KCNN4: variants seen among roughly 807,000 people sequenced by gnomAD.
KCNN4 encodes potassium calcium-activated channel subfamily N member 4.
Under a neutral mutation model 45.2 loss-of-function variants are expected in KCNN4, and 31 were observed. That is an observed-to-expected ratio of 0.69 (90% CI 0.52 to 0.92). The LOEUF (loss-of-function observed/expected upper bound fraction) is 0.92, where lower values mean the gene tolerates loss of function less well. Ranked by LOEUF, KCNN4 falls within the 40% of genes least tolerant of loss-of-function variation. The pLI is 0.00. For synonymous variants in KCNN4, 231 were observed against 254.6 expected (o/e 0.91, Z 0.88); for missense variants, 463 against 574.0 (o/e 0.81, Z 1.98).
intron 1 of KCNN4, 62 bp downstream of exon 1, chr19:43,780,640 AC>A (rs750371419): frequency 2.2e-6 from 1 of 464,662 alleles, no homozygotes. Flanking sequence ...AAGAGTCCTG[AC>A]CCCCAGCCCC....
rs764963973 is a variant in KCNN4 at position 43,769,072 on chromosome 19, C to T, written c.1050-40G>A. 1.2e-6 allele frequency: 2 copies of T among 1,601,098 alleles called. No individual in the cohort carries two copies. On this transcript the variant is annotated intron_variant, in intron 6 of 8. Transcript: ENST00000648319. The surrounding 1 kb of genome is among the most constrained non-coding windows in gnomAD (Gnocchi z 4.4). The stretch of plus-strand genomic sequence containing the variant: ...GGGGAGTCAGTTTTACAAGCCTGGT[C>T]CCTGAATGTAGCTGTAGCTCAGGGG...
Position 43,774,156 on chromosome 19 carries a change from T to G in KCNN4, c.683+36A>C, listed in dbSNP as rs201042189. ...GGACGGCCGCCGTGGCTGTCCGGGG[T>G]TCCCCCCTGCGCATTTATGCCTCCA... On this transcript the variant is annotated intron_variant, in intron 3 of 8. Transcript: ENST00000648319. This position sits in a 1 kb window ranked among gnomAD's most constrained non-coding sequence, Gnocchi z 5.6. 5 of 1,571,240 alleles carry G rather than the reference T, an allele frequency of 3.2e-6. No individual in the cohort carries two copies.
At chr19:43,777,008 G>T (rs920128819) in intron 1 of KCNN4, among the ~76,000 whole-genome samples, 2 of 152,122 alleles carry the variant, frequency 1.3e-5, no homozygotes, top group Non-Finnish European at 2.9e-5. Context: ...CTTGAACCCA[G>T]GAGGTGGAAG....
At chr19:43,775,310 G>C (rs572641917) in intron 2 of KCNN4, among the ~76,000 whole-genome samples, 1 of 152,192 alleles carries the variant, frequency 6.6e-6, no homozygotes, top group South Asian at 2.1e-4. Context: ...CTGGGTGACA[G>C]AGCGAGACTC....
Position 43,780,864 on chromosome 19 carries a change from C to A in KCNN4, c.-3G>T, listed in dbSNP as rs201325461. 1 of 1,613,304 alleles carries A rather than the reference C, an allele frequency of 6.2e-7. No homozygotes were observed. Among genetic ancestry groups the A allele is most frequent in the South Asian group, 1.1e-5 (1 of 91,050 alleles). The stretch of plus-strand genomic sequence containing the variant: ...CCAAGCACCAGATCCCCGCCCATGG[C>A]CCCCGGGGTCTTGGGGCTCAGCCAG... On this transcript the variant is annotated 5_prime_UTR_variant, in exon 1 of 9. Coordinates refer to ENST00000648319, the MANE Select transcript of KCNN4 (RefSeq NM_002250.3).
At position 43,774,466 on chromosome 19, in the gene KCNN4, A is replaced by G; in HGVS notation, c.409T>C (p.Ser137Pro). 1.9e-6 allele frequency: 3 copies of G among 1,594,900 alleles called. No homozygotes were observed. The highest frequency in any genetic ancestry group is 2.6e-6 in the Non-Finnish European group (3 of 1,170,852). ...CVQDLGAPLT[S>P]PQPWPGFLGQ... ...AGGAATCCCGGCCAGGGCTGCGGGG[A>G]GGTCAGCGGCGCCCCTAAATCCTGC... Residue 137 changes from serine to proline, a missense_variant, in exon 3 of 9, where the codon TCC (serine) becomes CCC (proline). By Grantham distance (74) the Ser-to-Pro change is moderately conservative (BLOSUM62 -1). Around this residue, in one of 3 missense-constraint regions of KCNN4, gnomAD observed 225 missense variants for 240.9 expected, o/e 0.93. Coordinates refer to ENST00000648319, the MANE Select transcript of KCNN4 (RefSeq NM_002250.3). The surrounding 1 kb of genome is among the most constrained non-coding windows in gnomAD (Gnocchi z 5.6).
chr19:43,769,627 C>T lies in KCNN4; in HGVS notation c.931-67G>A. The T allele has an allele frequency of 6.4e-7, 1 of 1,574,312 alleles. No homozygotes were observed. The highest frequency in any genetic ancestry group is 8.7e-7 in the Non-Finnish European group (1 of 1,144,280). ...CGGTTCTGGGAAGGCAGGGCTAGGG[C>T]TGGGACTCTTGGGTCCTAGGGGAAG... is the stretch of plus-strand genomic sequence containing the variant. On this transcript the variant is annotated intron_variant, in intron 5 of 8. Coordinates refer to ENST00000648319, the MANE Select transcript of KCNN4 (RefSeq NM_002250.3). This position sits in a 1 kb window ranked among gnomAD's most constrained non-coding sequence, Gnocchi z 4.4.
In KCNN4 at chr19:43,769,397, G is replaced by T. The variant is rs1206712438; in HGVS notation, c.1049+45C>A. ...CACAGCCGTGCAGAGAGGTGACTTG[G>T]ACATGGGTGCACATGGACACGTGTG... On this transcript the variant is annotated intron_variant, in intron 6 of 8. Coordinates refer to ENST00000648319, the MANE Select transcript of KCNN4 (RefSeq NM_002250.3). This position sits in a 1 kb window ranked among gnomAD's most constrained non-coding sequence, Gnocchi z 4.4. 1 of 1,485,802 alleles carries T rather than the reference G, an allele frequency of 6.7e-7. No individual in the cohort carries two copies. Among genetic ancestry groups the T allele is most frequent in the South Asian group, 1.1e-5 (1 of 88,530 alleles). The allele number at this position is 1,485,802 out of a possible 1,614,324, so 92.0% of individuals were successfully genotyped here.
chr19:43,774,293 G>A lies in KCNN4; in HGVS notation c.582C>T (p.Phe194=). The part of the protein sequence containing the change: ...ALNQVRFRHW[F]VAKLYMNTHP... ...GCGTGTTCATGTAAAGCTTGGCCAC[G>A]AACCAGTGGCGGAAGCGGACTTGAT... Residue 194 remains phenylalanine (F), a synonymous_variant, in exon 3 of 9, where the codon TTC becomes TTT. Transcript: ENST00000648319. This position sits in a 1 kb window ranked among gnomAD's most constrained non-coding sequence, Gnocchi z 5.6. The A allele has an allele frequency of 6.2e-7, 1 of 1,612,578 alleles. No individual in the cohort carries two copies.
In KCNN4 at chr19:43,772,674, T is replaced by C. The variant is rs907103335; in HGVS notation, c.684-539A>G. 2.0e-5 allele frequency among the ~76,000 whole-genome samples: 3 copies of C among 152,148 alleles called. No homozygotes were observed. The highest frequency in any genetic ancestry group is 4.4e-5 in the Non-Finnish European group (3 of 68,036). The stretch of plus-strand genomic sequence containing the variant: ...CAGAGGAGACATTTAAGTCCAGCCA[T>C]GGAAGGGGTTGAAACATTGAGATTT... On this transcript the variant is annotated intron_variant, in intron 3 of 8. Coordinates refer to ENST00000648319, the MANE Select transcript of KCNN4 (RefSeq NM_002250.3). The surrounding 1 kb of genome is among the most constrained non-coding windows in gnomAD (Gnocchi z 4.4).
chr19:43,767,637 T>C lies in KCNN4; in HGVS notation c.1190A>G (p.Asp397Gly). The C allele has an allele frequency of 6.2e-7, 1 of 1,614,150 alleles. No homozygotes were observed. Among genetic ancestry groups the C allele is most frequent in the Non-Finnish European group, 8.5e-7 (1 of 1,180,038 alleles). Residue 397 changes from aspartate (D) to glycine (G), a missense_variant, in exon 8 of 9, where the codon GAC becomes GGC. By Grantham distance (94) the Asp-to-Gly change is moderately conservative (BLOSUM62 -1). This residue lies in a region of KCNN4 where 129 missense variants were observed against 149.4 expected (regional missense o/e 0.86). Transcript: ENST00000648319. ...GGCATCCAGCTTCCCCGCCAGCGTG[T>C]CAATCTGTTTCTCCAGGGCCCGGTG... ...SSHRALEKQIDTLAGKLDALT... is the reference protein window; with the variant it reads ...SSHRALEKQIGTLAGKLDALT...
intron 4 of KCNN4, among the ~76,000 whole-genome samples, chr19:43,770,048 G>A (rs1969601430): frequency 1.3e-5 from 2 of 152,284 alleles, no homozygotes; most frequent in African/African-American, 2.4e-5. Flanking sequence ...CACACCCTCA[G>A]GGTGGCCTCT....
chr19:43,775,086 G>A (rs1005579353), intron 2 of KCNN4, among the ~76,000 whole-genome samples: 2 of 152,246 alleles, frequency 1.3e-5, no homozygotes, highest in African/African-American at 4.8e-5. Context: ...AGCACTTTGG[G>A]AGGCTGCGGT....
chr19:43,780,529 G>GCCCCCAGCCCC, intron 1 of KCNN4, among the ~76,000 whole-genome samples, 174 bp downstream of exon 1: 1 of 96,338 alleles, frequency 1.0e-5, no homozygotes, highest in African/African-American at 4.4e-5. Context: ...AGGAGTCCAA[G>GCCCCCAGCCCC]TCCCCAGTCC....
rs1046736730 is a variant in KCNN4, at chr19:43,766,769, C to A, written c.*324G>T. 1 of 152,606 alleles carries A rather than the reference C, an allele frequency of 6.6e-6. No individual in the cohort carries two copies. The highest frequency in any genetic ancestry group is 2.4e-5 in the African/African-American group (1 of 41,414). 9.5% of individuals were successfully genotyped at this position (152,606 alleles called of 1,614,324 possible). The stretch of plus-strand genomic sequence containing the variant: ...CCCCTAGTACCCTCTTTCCCAGGGA[C>A]CCAGGAGTCCTGCCTCCAGTCGCCT... On this transcript the variant is annotated 3_prime_UTR_variant, in exon 9 of 9. Transcript: ENST00000648319.
chr19:43,774,515 C>CG lies in KCNN4; in HGVS notation c.359dup (p.Pro121AlafsTer112). The CG allele has an allele frequency of 6.3e-7, 1 of 1,596,454 alleles. No individual in the cohort carries two copies. Among genetic ancestry groups the CG allele is most frequent in the Non-Finnish European group, 8.5e-7 (1 of 1,174,914 alleles). On this transcript the variant is annotated frameshift_variant, in exon 3 of 9. Coordinates refer to ENST00000648319, the MANE Select transcript of KCNN4 (RefSeq NM_002250.3). LOFTEE classifies it high-confidence loss of function. This position sits in a 1 kb window ranked among gnomAD's most constrained non-coding sequence, Gnocchi z 5.6. ...GCACGCACGGCGGGCCCCGCACGGG[C>CG]GCCGGGTGCAGCCCACACACCACCA...
chr19:43,768,895 C>T, intron 7 of KCNN4, 68 bp downstream of exon 7: 2 of 1,526,084 alleles, frequency 1.3e-6, no homozygotes, highest in Non-Finnish European at 1.8e-6. Flanking sequence ...TGTTCTAGGG[C>T]CAGATTTCCC....
chr19:43,774,257 G>A lies in KCNN4; in HGVS notation c.618C>T (p.Arg206=), dbSNP rs1969727781. 3 of 1,613,058 alleles carry A rather than the reference G, an allele frequency of 1.9e-6. No homozygotes were observed. Among genetic ancestry groups the A allele is most frequent in the Non-Finnish European group, 1.7e-6 (2 of 1,179,594 alleles). Reference sequence around the variant, plus strand: ...GGCCAAGCGTGAGGCCGAGCAGCAGGCGGCCAGGGTGCGTGTTCATGTAAA... The same window carrying A: ...GGCCAAGCGTGAGGCCGAGCAGCAGACGGCCAGGGTGCGTGTTCATGTAAA... ...AKLYMNTHPG[R]LLLGLTLGLW... Residue 206 remains arginine, a synonymous_variant, in exon 3 of 9, where the codon CGC becomes CGT. Coordinates refer to ENST00000648319, the MANE Select transcript of KCNN4 (RefSeq NM_002250.3). This position sits in a 1 kb window ranked among gnomAD's most constrained non-coding sequence, Gnocchi z 5.6.
intron 2 of KCNN4, among the ~76,000 whole-genome samples, chr19:43,775,154 C>T (rs745723650): frequency 1.9e-4 from 29 of 152,158 alleles, no homozygotes; most frequent in Non-Finnish European, 3.7e-4. Flanking sequence ...GGTGAAACTC[C>T]ATCTCTACTG....
Sources: allele counts gnomAD v4.1 joint callset (sites outside exome capture counted in the v4.1 genomes callset), GRCh38; gene constraint gnomAD v4.1.1; regional missense constraint gnomAD v4.1.1; non-coding constraint Gnocchi (gnomAD v3.1); transcripts MANE v1.5; gene names NCBI Gene and HGNC (gene_info 2026-07-23, HGNC 2026-07-21).